ALK: variants seen among roughly 807,000 people sequenced by gnomAD.
ALK encodes the protein ALK tyrosine kinase receptor.
Under a neutral mutation model 163.1 loss-of-function variants are expected in ALK, and 74 were observed. The ratio of observed to expected loss-of-function variants is 0.45; its 90% CI spans 0.38 to 0.55. The LOEUF (loss-of-function observed/expected upper bound fraction) is 0.55. Among genes scored for constraint, ALK ranks in the 20% least tolerant of loss-of-function variants. The pLI is 0.00. For missense variants in ALK, 2,063 were observed against 2,105.3 expected (o/e 0.98, Z 0.39); for synonymous variants, 960 against 843.2 (o/e 1.14, Z -2.40).
At chr2:29,329,480 C>T (rs1177973692) in intron 5 of ALK, among the ~76,000 whole-genome samples, 1 of 152,224 alleles carries the variant, frequency 6.6e-6, no homozygotes, top group African/African-American at 2.4e-5. Context: ...CCTGGGTCAA[C>T]ACCCCGAGTG....
At chr2:29,411,069 A>AT (rs1270870078) in intron 4 of ALK, among the ~76,000 whole-genome samples, 1 of 151,996 alleles carries the variant, frequency 6.6e-6, no homozygotes, top group Non-Finnish European at 1.5e-5. Context: ...GCCTTTTTCT[A>AT]TTTTTCATAA....
At chr2:29,355,832 C>A (rs1387170413) in intron 5 of ALK, among the ~76,000 whole-genome samples, 1 of 152,088 alleles carries the variant, frequency 6.6e-6, no homozygotes, top group African/African-American at 2.4e-5. Flanking sequence ...GTTTAGGCTA[C>A]CCTGAGTTAG....
At chr2:29,459,280 T>C (rs190248206) in intron 4 of ALK, among the ~76,000 whole-genome samples, 126 of 152,232 alleles carry the variant, frequency 8.3e-4, no homozygotes, top group African/African-American at 2.9e-3. Context: ...GGTGCTTTTA[T>C]AGGTTGAAAG....
At chr2:29,545,499 A>G (rs997830708) in intron 3 of ALK, among the ~76,000 whole-genome samples, 1 of 152,180 alleles carries the variant, frequency 6.6e-6, no homozygotes, top group African/African-American at 2.4e-5. Flanking sequence ...ACAGAACTTC[A>G]AAGCTCTAGA....
chr2:29,816,582 C>T (rs1354565634), intron 1 of ALK, among the ~76,000 whole-genome samples: 1 of 152,150 alleles, frequency 6.6e-6, no homozygotes, highest in Non-Finnish European at 1.5e-5. Context: ...GAGCAAGCAC[C>T]AGAGGAAAGA....
intron 4 of ALK, among the ~76,000 whole-genome samples, chr2:29,531,457 C>G (rs1016809949): frequency 6.6e-6 from 1 of 152,162 alleles, no homozygotes; most frequent in African/African-American, 2.4e-5. Context: ...GTATCCATGA[C>G]TAATCCTGCT....
At chr2:29,912,522 T>A (rs540652463) in intron 1 of ALK, among the ~76,000 whole-genome samples, 1 of 151,954 alleles carries the variant, frequency 6.6e-6, no homozygotes, top group South Asian at 2.1e-4. Context: ...CTTATTCTAA[T>A]GGAAATGCAA....
chr2:29,222,663 C>G (rs2148169605), intron 20 of ALK, 56 bp from the exon 21 acceptor site: 1 of 1,515,232 alleles, frequency 6.6e-7, no homozygotes, highest in African/African-American at 1.4e-5. Context: ...AATAATGAGG[C>G]AGCTGGGGGT....
chr2:29,221,772 G>T (rs567765279), intron 22 of ALK, among the ~76,000 whole-genome samples: 1 of 152,152 alleles, frequency 6.6e-6, no homozygotes, highest in South Asian at 2.1e-4. Flanking sequence ...GGGGCCATGA[G>T]CCCCCACCTG....
intron 1 of ALK, among the ~76,000 whole-genome samples, chr2:29,892,511 A>C (rs1667169001): frequency 6.6e-6 from 1 of 152,190 alleles, no homozygotes. Context: ...AATTGCTTCT[A>C]ATCACTTATC....
At chr2:29,200,620 G>A (rs967938555) in intron 26 of ALK, among the ~76,000 whole-genome samples, 1 of 151,136 alleles carries the variant, frequency 6.6e-6, no homozygotes, top group Non-Finnish European at 1.5e-5. Flanking sequence ...TCTATATTTT[G>A]TATGCCAGAT....
At chr2:29,776,225 TAAAAAA>T (rs58918857) in intron 1 of ALK, among the ~76,000 whole-genome samples, 116 of 131,230 alleles carry the variant, frequency 8.8e-4, no homozygotes, top group African/African-American at 2.7e-3. Flanking sequence ...GGAATTTTGT[TAAAAAA>T]AAAAAAAAAA....
chr2:29,779,340 T>C (rs1382062500), intron 1 of ALK, among the ~76,000 whole-genome samples: 2 of 152,178 alleles, frequency 1.3e-5, no homozygotes, highest in Non-Finnish European at 2.9e-5. Flanking sequence ...GCTAAACTGC[T>C]GTTATGGTGG....
At chr2:29,881,958 G>T (rs953453502) in intron 1 of ALK, among the ~76,000 whole-genome samples, 1 of 152,082 alleles carries the variant, frequency 6.6e-6, no homozygotes, top group African/African-American at 2.4e-5. Context: ...TGCAGAATGG[G>T]GTGTGACTTT....
intron 1 of ALK, among the ~76,000 whole-genome samples, chr2:29,892,010 T>C (rs535838916): frequency 9.8e-5 from 15 of 152,342 alleles, no homozygotes; most frequent in African/African-American, 3.6e-4. Flanking sequence ...TGTACAACCA[T>C]GGTCCTAACC....
intron 3 of ALK, among the ~76,000 whole-genome samples, chr2:29,627,586 C>T (rs1474262981): frequency 6.6e-6 from 1 of 152,168 alleles, no homozygotes; most frequent in East Asian, 1.9e-4. Context: ...ACTGCTGAGA[C>T]CCCGGCAGGA....
intron 3 of ALK, among the ~76,000 whole-genome samples, chr2:29,575,639 T>A (rs1674502684): frequency 6.6e-6 from 1 of 152,226 alleles, no homozygotes; most frequent in African/African-American, 2.4e-5. Flanking sequence ...TTGGCAGCTT[T>A]AGGAGAGCAG....
intron 3 of ALK, among the ~76,000 whole-genome samples, chr2:29,600,682 C>T (rs1675358014): frequency 6.6e-6 from 1 of 152,118 alleles, no homozygotes; most frequent in Non-Finnish European, 1.5e-5. Flanking sequence ...GCCCTGAGAG[C>T]TCAGAGGATT....
At chr2:29,684,206 T>C (rs1678166626) in intron 3 of ALK, among the ~76,000 whole-genome samples, 2 of 152,228 alleles carry the variant, frequency 1.3e-5, no homozygotes, top group South Asian at 2.1e-4. Flanking sequence ...ATTTGATATA[T>C]AGAAATCAGT....
Sources: gnomAD v4.1 joint callset for allele counts (sites outside exome capture counted in the v4.1 genomes callset) on GRCh38, gnomAD v4.1.1 for gene constraint, MANE v1.5 for transcripts, NCBI Gene and HGNC (gene_info 2026-07-23, HGNC 2026-07-21) for gene names.